The following ZNF821 variants were observed in gnomAD, a reference collection of about 807,000 sequenced individuals.
ZNF821 encodes zinc finger protein 821.
In ZNF821, 16 loss-of-function variants were observed where a neutral mutation model predicts 44.3. That is an observed-to-expected ratio of 0.36 (90% CI 0.24 to 0.55). ZNF821 has a LOEUF of 0.55. Among genes scored for constraint, ZNF821 ranks in the 20% least tolerant of loss-of-function variants. ZNF821 has a pLI of 0.86. For missense variants in ZNF821, 436 were observed against 547.6 expected, an observed-to-expected ratio of 0.80 and a Z score of 2.03; for synonymous variants, 204 against 197.6, an observed-to-expected ratio of 1.03 and a Z score of -0.27.
intron 3 of ZNF821, among the ~76,000 whole-genome samples, chr16:71,871,792 C>CA (rs1233994079): frequency 6.6e-6 from 1 of 150,796 alleles, no homozygotes; most frequent in Non-Finnish European, 1.5e-5. Flanking sequence ...TTTTTGGATA[C>CA]AAAATCAAGA....
Position 71,860,058 on chromosome 16 carries a change from T to G in ZNF821, c.1199A>C (p.Lys400Thr), listed in dbSNP as rs1328588151. 3.7e-6 allele frequency: 6 copies of G among 1,613,554 alleles called. No homozygotes were observed. Among genetic ancestry groups the G allele is most frequent in the Non-Finnish European group, 5.1e-6 (6 of 1,179,734 alleles). Residue 400 changes from lysine (K) to threonine (T), a missense_variant, in exon 8 of 8, where the codon AAG becomes ACG. This residue lies in a region of ZNF821 where 55 missense variants were observed against 56.9 expected (regional missense o/e 0.97). Transcript: ENST00000425432. This position sits in a 1 kb window ranked among gnomAD's most constrained non-coding sequence, Gnocchi z 7.3. ...GVELDSQLLG[K>T]MAFEEQNSSS... ...GCTGTTCTGCTCTTCAAAGGCCATC[T>G]TGCCCAGAAGCTGGCTGTCCAACTC...
intron 4 of ZNF821, 35 bp downstream of exon 4, chr16:71,867,877 T>A: frequency 1.3e-6 from 2 of 1,532,852 alleles, no homozygotes; most frequent in Non-Finnish European, 1.7e-6. Context: ...CTTCTCCCAT[T>A]GCCCTGAGTC....
intron 3 of ZNF821, among the ~76,000 whole-genome samples, chr16:71,878,221 C>G (rs2036052888): frequency 6.6e-6 from 1 of 151,026 alleles, no homozygotes; most frequent in Admixed American, 6.6e-5. Flanking sequence ...ATTCTCCTGC[C>G]TCAGCCTCCC....
chr16:71,885,327 G>A (rs1354190794), upstream of ZNF821: 1 of 152,336 alleles, frequency 6.6e-6, no homozygotes, highest in East Asian at 1.9e-4. Flanking sequence ...GGTATTAGAA[G>A]ATCTGGCTTT....
intron 6 of ZNF821, 87 bp from the exon 7 acceptor site, chr16:71,862,029 CCT>C (rs2033954756): frequency 6.8e-7 from 1 of 1,476,264 alleles, no homozygotes; most frequent in Non-Finnish European, 9.3e-7. Context: ...GGAAATGTCC[CCT>C]TTCTTTAGTC....
At chr16:71,869,821 T>G (rs183216464) in intron 3 of ZNF821, among the ~76,000 whole-genome samples, 56 of 152,192 alleles carry the variant, frequency 3.7e-4, no homozygotes, top group African/African-American at 1.3e-3. Flanking sequence ...ATTTTTTGTA[T>G]AGACAGGGTC....
chr16:71,882,802 C>CA (rs1455772023), intron 2 of ZNF821, among the ~76,000 whole-genome samples: 6 of 152,164 alleles, frequency 3.9e-5, no homozygotes, highest in African/African-American at 1.4e-4. Flanking sequence ...AGCAAGATCT[C>CA]AGAGGCCAGA....
At chr16:71,864,653 G>A (rs1376649614) in intron 5 of ZNF821, 1 of 486,320 alleles carries the variant, frequency 2.1e-6, no homozygotes, top group Non-Finnish European at 3.7e-6. Flanking sequence ...CTCATGTCTG[G>A]AAAGACGTGG....
rs1036827907 is a variant in ZNF821 at position 71,860,752 on chromosome 16, A to G, written c.585-80T>C. On this transcript the variant is annotated intron_variant, in intron 7 of 7. Coordinates refer to ENST00000425432, the MANE Select transcript of ZNF821 (RefSeq NM_001201552.2). This position sits in a 1 kb window ranked among gnomAD's most constrained non-coding sequence, Gnocchi z 7.3. ...TCCAGCCCTGCCTTATTCTTTTCCT[A>G]TGAGGCCAGTGGCTCCACGCTCACC... 3.4e-6 allele frequency: 5 copies of G among 1,452,614 alleles called. No individual in the cohort carries two copies. In the Admixed American group the frequency reaches 6.2e-5, roughly 18 times the overall value. 90.0% of individuals were successfully genotyped at this position (1,452,614 alleles called of 1,614,324 possible). A position where few individuals can be genotyped will look rare whatever the true frequency, so the allele number is the denominator to read the frequency against.
intron 3 of ZNF821, among the ~76,000 whole-genome samples, chr16:71,877,764 C>G (rs899883182): frequency 9.3e-5 from 14 of 150,680 alleles, no homozygotes; most frequent in African/African-American, 3.4e-4. Context: ...ACAAAAAATA[C>G]AAATATTTAG....
upstream of ZNF821, chr16:71,885,405 G>C (rs1170218268): frequency 6.6e-6 from 1 of 152,252 alleles, no homozygotes; most frequent in Non-Finnish European, 1.5e-5. Flanking sequence ...CTGAGCCTCT[G>C]CTTCCTAAGA....
At chr16:71,885,342 C>T (rs765276777), upstream of ZNF821, 1 of 152,214 alleles carries the variant, frequency 6.6e-6, no homozygotes, top group South Asian at 2.1e-4. Context: ...GGCTTTGAGC[C>T]CCAGCTCTGC....
In ZNF821 at chr16:71,859,753, G is replaced by C; in HGVS notation, c.*265C>G. 2.0e-6 allele frequency: 1 copy of C among 493,594 alleles called. No individual in the cohort carries two copies. Among genetic ancestry groups the C allele is most frequent in the Non-Finnish European group, 3.6e-6 (1 of 280,724 alleles). The allele number at this position is 493,594 out of a possible 1,614,324, so 30.6% of individuals were successfully genotyped here. On this transcript the variant is annotated 3_prime_UTR_variant, in exon 8 of 8. Transcript: ENST00000425432. Reference sequence around the variant, plus strand: ...ACACAGGGGCCCCACAGTCCTAGAAGCACAGCCTGTGGCAGTGGGCTGGGG... The same window carrying C: ...ACACAGGGGCCCCACAGTCCTAGAACCACAGCCTGTGGCAGTGGGCTGGGG...
In ZNF821 at chr16:71,860,770, C is replaced by G. The variant is rs897084595; in HGVS notation, c.585-98G>C. Reference sequence around the variant, plus strand: ...TTTTCCTATGAGGCCAGTGGCTCCACGCTCACCACAAGGGGTCAGTTTGAA... The same window carrying G: ...TTTTCCTATGAGGCCAGTGGCTCCAGGCTCACCACAAGGGGTCAGTTTGAA... On this transcript the variant is annotated intron_variant, in intron 7 of 7. Transcript: ENST00000425432. The surrounding 1 kb of genome is among the most constrained non-coding windows in gnomAD (Gnocchi z 7.3). 56 of 1,257,304 alleles carry G rather than the reference C, an allele frequency of 4.5e-5. No individual in the cohort carries two copies. The highest frequency in any genetic ancestry group is 3.5e-4 in the Admixed American group (15 of 43,374). The allele number at this position is 1,257,304 out of a possible 1,614,324, so 77.9% of individuals were successfully genotyped here. A position where few individuals can be genotyped will look rare whatever the true frequency, so the allele number is the denominator to read the frequency against.
intron 5 of ZNF821, chr16:71,864,667 G>A: frequency 2.0e-6 from 1 of 507,444 alleles, no homozygotes; most frequent in Non-Finnish European, 3.5e-6. Flanking sequence ...GACGTGGGGA[G>A]CTGCAGGAAA....
intron 3 of ZNF821, among the ~76,000 whole-genome samples, chr16:71,878,956 A>G (rs1252838078): frequency 6.6e-6 from 1 of 151,806 alleles, no homozygotes; most frequent in Admixed American, 6.6e-5. Context: ...AAAAACATGC[A>G]TGTGACACTG....
chr16:71,884,855 C>CT (rs572933193), upstream of ZNF821: 25,427 of 112,292 alleles, frequency 0.23, 3,699 homozygotes, highest in South Asian at 0.49. Flanking sequence ...GCCGTTGGAC[C>CT]TTTTTTTTTT....
At chr16:71,880,901 T>C (rs1455624929) in intron 2 of ZNF821, among the ~76,000 whole-genome samples, 1 of 152,132 alleles carries the variant, frequency 6.6e-6, no homozygotes, top group African/African-American at 2.4e-5. Context: ...CCACCCCATA[T>C]AGGAGGGGAT....
At chr16:71,867,315 C>T (rs1355779960) in intron 4 of ZNF821, among the ~76,000 whole-genome samples, 1 of 152,038 alleles carries the variant, frequency 6.6e-6, no homozygotes, top group African/African-American at 2.4e-5. Flanking sequence ...ACTATTTATT[C>T]CTATATCCTT....
Sources: allele counts gnomAD v4.1 joint callset (sites outside exome capture counted in the v4.1 genomes callset), GRCh38; gene constraint gnomAD v4.1.1; regional missense constraint gnomAD v4.1.1; non-coding constraint Gnocchi (gnomAD v3.1); transcripts MANE v1.5; gene names NCBI Gene and HGNC (gene_info 2026-07-23, HGNC 2026-07-21).